The following TMEM63A variants were observed in gnomAD, a reference collection of about 807,000 sequenced individuals.
TMEM63A encodes mechanosensitive cation channel TMEM63A.
TMEM63A carries 76 observed loss-of-function variants against 100.6 expected under a neutral mutation model. The observed-to-expected ratio is 0.76, with a 90% CI of 0.63 to 0.91. The LOEUF (loss-of-function observed/expected upper bound fraction) is 0.91. TMEM63A is among the 40% of genes least tolerant of loss of function. TMEM63A has a pLI of 0.00. For synonymous variants in TMEM63A, 401 were observed against 401.1 expected (o/e 1.00, Z 0.00); for missense variants, 876 against 1,008.8 (o/e 0.87, Z 1.78).
At chr1:225,845,316 G>A (rs765780845), downstream of TMEM63A, 9 of 1,611,752 alleles carry the variant, frequency 5.6e-6, no homozygotes, top group South Asian at 3.3e-5. Context: ...CAGGACATCC[G>A]CAAGTTCCTG....
chr1:225,877,296 G>A, intron 3 of TMEM63A, 99 bp downstream of exon 3: 2 of 1,370,324 alleles, frequency 1.5e-6, no homozygotes, highest in Non-Finnish European at 2.0e-6. Flanking sequence ...TTTAAACCCA[G>A]CTATGTCTGA....
chr1:225,842,454 G>A, downstream of TMEM63A: 1 of 1,613,564 alleles, frequency 6.2e-7, no homozygotes, highest in Non-Finnish European at 8.5e-7. Flanking sequence ...TCCGATACCT[G>A]GAGGATGGAG....
chr1:225,866,399 A>G (rs1031524245), intron 9 of TMEM63A, 175 bp downstream of exon 9: 3 of 596,282 alleles, frequency 5.0e-6, no homozygotes, highest in Non-Finnish European at 8.9e-6. Context: ...TCCACCAGGA[A>G]ACTGTTTTTT....
intron 24 of TMEM63A, 21 bp downstream of exon 24, chr1:225,847,013 C>G (rs1300064377): frequency 3.1e-6 from 5 of 1,594,100 alleles, no homozygotes; most frequent in Non-Finnish European, 4.3e-6. Flanking sequence ...TCCCCTGAGC[C>G]TGGCCCAGCC....
chr1:225,868,187 T>C (rs1177190193), intron 6 of TMEM63A, among the ~76,000 whole-genome samples, 157 bp from the exon 7 acceptor site: 1 of 152,146 alleles, frequency 6.6e-6, no homozygotes, highest in Non-Finnish European at 1.5e-5. Context: ...CACAGGAAAT[T>C]TGCATAACTT....
intron 18 of TMEM63A, among the ~76,000 whole-genome samples, chr1:225,854,094 C>T (rs1669491779): frequency 6.6e-6 from 1 of 152,110 alleles, no homozygotes; most frequent in African/African-American, 2.4e-5. Context: ...AGGGAGGGTT[C>T]CTATGTCATA....
At chr1:225,863,755 A>G (rs959717254) in intron 10 of TMEM63A, among the ~76,000 whole-genome samples, 2 of 151,902 alleles carry the variant, frequency 1.3e-5, no homozygotes, top group African/African-American at 4.8e-5. Flanking sequence ...TGTCTCTACT[A>G]AAAATACAAA....
intron 6 of TMEM63A, 130 bp from the exon 7 acceptor site, chr1:225,868,160 A>T: frequency 4.3e-6 from 5 of 1,169,572 alleles, no homozygotes; most frequent in Non-Finnish European, 4.8e-6. Context: ...TTTTGTTCAC[A>T]TATGAGGAAA....
At chr1:225,844,674 G>GA, downstream of TMEM63A, 1 of 1,609,882 alleles carries the variant, frequency 6.2e-7, no homozygotes, top group Non-Finnish European at 8.5e-7. Context: ...GAGGCAGGGG[G>GA]ACGGCCAGTC....
chr1:225,844,940 C>T (rs1388710533), downstream of TMEM63A, among the ~76,000 whole-genome samples: 1 of 152,172 alleles, frequency 6.6e-6, no homozygotes, highest in African/African-American at 2.4e-5. Context: ...GAGGCTGTCC[C>T]ATGCCCCTGC....
At position 225,846,857 on chromosome 1, in the gene TMEM63A, G is replaced by T; in HGVS notation, c.*82C>A. The T allele has an allele frequency of 2.8e-6, 2 of 708,236 alleles. No homozygotes were observed. Among genetic ancestry groups the T allele is most frequent in the Non-Finnish European group, 4.4e-6 (2 of 454,570 alleles). 43.9% of individuals were successfully genotyped at this position (708,236 alleles called of 1,614,324 possible). A position where few individuals can be genotyped will look rare whatever the true frequency, so the allele number is the denominator to read the frequency against. ...GGGCACCTGATAGCTCAGCTGGGCA[G>T]TCCCAACGCATTCCCACTCAGCCAA... is the stretch of plus-strand genomic sequence containing the variant. On this transcript the variant is annotated 3_prime_UTR_variant, in exon 25 of 25. Transcript: ENST00000366835.
intron 17 of TMEM63A, 125 bp from the exon 18 acceptor site, chr1:225,856,065 T>C (rs147624015): frequency 5.5e-5 from 51 of 919,280 alleles, no homozygotes; most frequent in Non-Finnish European, 8.2e-5. Flanking sequence ...TTCTCAACGA[T>C]GCCACTTACT....
downstream of TMEM63A, chr1:225,845,492 A>G: frequency 1.3e-6 from 1 of 775,038 alleles, no homozygotes. Flanking sequence ...CACCCCTCCA[A>G]GCTCACTCCC....
At chr1:225,873,318 A>G (rs1014465568) in intron 4 of TMEM63A, among the ~76,000 whole-genome samples, 1 of 152,198 alleles carries the variant, frequency 6.6e-6, no homozygotes, top group African/African-American at 2.4e-5. Flanking sequence ...GTCCAAGGTC[A>G]TCATCACCTC....
At position 225,866,112 on chromosome 1, in the gene TMEM63A, C is replaced by T. The variant is rs964983015; in HGVS notation, c.676-145G>A. On this transcript the variant is annotated intron_variant, in intron 9 of 24. Transcript: ENST00000366835. The stretch of plus-strand genomic sequence containing the variant: ...TTTTCTCCTTCTGTGGCCGGGGGAG[C>T]CCCCAAAGCATGTCATTTACACAGC... 39 of 780,064 alleles carry T rather than the reference C, an allele frequency of 5.0e-5. No homozygotes were observed. In the Admixed American group the frequency reaches 7.9e-4, roughly 16 times the overall value. 48.3% of individuals were successfully genotyped at this position (780,064 alleles called of 1,614,324 possible). A position where few individuals can be genotyped will look rare whatever the true frequency, so the allele number is the denominator to read the frequency against.
At position 225,871,071 on chromosome 1, in the gene TMEM63A, C is replaced by A; in HGVS notation, c.371+5G>T. On this transcript the variant is annotated splice_donor_5th_base_variant and intron_variant, in intron 6 of 24. Coordinates refer to ENST00000366835, the MANE Select transcript of TMEM63A (RefSeq NM_014698.3). ...CCCCCAGCAGCTGCCCCCGGGTGTA[C>A]TCACTGCAGACGGAAGATGGCAGTC... The A allele has an allele frequency of 6.2e-7, 1 of 1,614,064 alleles. No homozygotes were observed. The highest frequency in any genetic ancestry group is 8.5e-7 in the Non-Finnish European group (1 of 1,179,912).
At chr1:225,844,774 C>T (rs576076733), downstream of TMEM63A, 32 of 1,341,868 alleles carry the variant, frequency 2.4e-5, no homozygotes, top group Non-Finnish European at 3.0e-5. Context: ...CACTAAAGGT[C>T]GAGGTGTTTG....
chr1:225,867,910 G>T lies in TMEM63A; in HGVS notation c.492C>A (p.Val164=). The part of the protein sequence containing the change: ...SFLSLCVILP[V]NLSGDLLDKD... ...TACCCAGCAAGTCCCCTGAGAGGTT[G>T]ACAGGCAGGATGACACACAGGGACA... The change falls in exon 7 of 25, where the codon GTC becomes GTA. Residue 164 remains valine (V), a synonymous_variant. Coordinates refer to ENST00000366835, the MANE Select transcript of TMEM63A (RefSeq NM_014698.3). This position sits in a 1 kb window ranked among gnomAD's most constrained non-coding sequence, Gnocchi z 4.6. 1 of 1,614,166 alleles carries T rather than the reference G, an allele frequency of 6.2e-7. No homozygotes were observed.
chr1:225,846,517 G>T lies in TMEM63A; in HGVS notation c.*422C>A. 1 of 153,660 alleles carries T rather than the reference G, an allele frequency of 6.5e-6. No individual in the cohort carries two copies. The allele number at this position is 153,660 out of a possible 1,614,324, so 9.5% of individuals were successfully genotyped here. ...CCTGGAGGGACTGCTGGGCTGGGGA[G>T]GGACTGGCCATGGAGCAGGGAGCTG... On this transcript the variant is annotated 3_prime_UTR_variant, in exon 25 of 25. Transcript: ENST00000366835.
Sources: allele counts gnomAD v4.1 joint callset (sites outside exome capture counted in the v4.1 genomes callset), GRCh38; gene constraint gnomAD v4.1.1; non-coding constraint Gnocchi (gnomAD v3.1); transcripts MANE v1.5; gene names NCBI Gene and HGNC (gene_info 2026-07-23, HGNC 2026-07-21).